The following NKAIN4 variants were observed in gnomAD, a reference collection of about 807,000 sequenced individuals.
The protein encoded by NKAIN4 is sodium/potassium-transporting ATPase subunit beta-1-interacting protein 4.
NKAIN4 carries 28 observed loss-of-function variants against 28.8 expected under a neutral mutation model. That is an observed-to-expected ratio of 0.97 (90% CI 0.72 to 1.33). NKAIN4 has a LOEUF of 1.33. Among genes scored for constraint, NKAIN4 ranks in the 40% most tolerant of loss-of-function variants. NKAIN4 has a pLI of 0.00. For missense variants in NKAIN4, 289 were observed against 277.2 expected, an observed-to-expected ratio of 1.04 and a Z score of -0.30; for synonymous variants, 122 against 115.6, an observed-to-expected ratio of 1.06 and a Z score of -0.36.
chr20:63,249,637 G>A (rs1186694261), intron 2 of NKAIN4, among the ~76,000 whole-genome samples: 1 of 152,194 alleles, frequency 6.6e-6, no homozygotes, highest in Admixed American at 6.5e-5. Flanking sequence ...GTAAAGCAGG[G>A]ATCGTGGCAG....
At chr20:63,241,739 T>C in intron 6 of NKAIN4, 1 of 681,694 alleles carries the variant, frequency 1.5e-6, no homozygotes, top group Non-Finnish European at 2.8e-6. Flanking sequence ...CTCAGTGGGG[T>C]CTGGCCTGTG....
chr20:63,254,904 G>T (rs536430257), upstream of NKAIN4: 319 of 155,402 alleles, frequency 2.1e-3, 3 homozygotes, highest in Non-Finnish European at 2.5e-3. Flanking sequence ...ACCCGCATCC[G>T]CGAGGCGTTT....
chr20:63,248,142 G>C, intron 3 of NKAIN4: 1 of 195,842 alleles, frequency 5.1e-6, no homozygotes, highest in Non-Finnish European at 1.0e-5. Context: ...CCCAGGTGTG[G>C]TTCCAGGAAG....
At chr20:63,243,614 G>T (rs2066801425) in intron 5 of NKAIN4, among the ~76,000 whole-genome samples, 1 of 152,226 alleles carries the variant, frequency 6.6e-6, no homozygotes, top group African/African-American at 2.4e-5. Flanking sequence ...ATGAAACCCT[G>T]CCCAGATGGG....
At chr20:63,247,336 G>A in intron 4 of NKAIN4, 1 of 1,469,026 alleles carries the variant, frequency 6.8e-7, no homozygotes, top group South Asian at 1.3e-5. Flanking sequence ...CGCTCAACTT[G>A]AGAAAGCGCC....
intron 4 of NKAIN4, among the ~76,000 whole-genome samples, chr20:63,244,878 T>G (rs2066827707): frequency 6.6e-6 from 1 of 152,226 alleles, no homozygotes; most frequent in African/African-American, 2.4e-5. Context: ...GGTCTGTGAC[T>G]GGAGGGACCC....
Position 63,252,229 on chromosome 20 carries a change from C to A in NKAIN4, c.55-2157G>T, listed in dbSNP as rs1047737691. Among the ~76,000 whole-genome samples, 20 of 152,238 alleles carry A rather than the reference C, an allele frequency of 1.3e-4. 1 individual carries two copies. Among genetic ancestry groups the A allele is most frequent in the African/African-American group, 4.1e-4 (17 of 41,550 alleles). ...GCATGAGCAGGGAGGCTCATGCCAC[C>A]ATGGAAGCAGGTGACCCTGGTGGCC... is the stretch of plus-strand genomic sequence containing the variant. On this transcript the variant is annotated intron_variant, in intron 1 of 6. Coordinates refer to ENST00000370316, the MANE Select transcript of NKAIN4 (RefSeq NM_152864.4). This position sits in a 1 kb window ranked among gnomAD's most constrained non-coding sequence, Gnocchi z 4.6.
At chr20:63,246,819 C>G in intron 4 of NKAIN4, 3 of 985,470 alleles carry the variant, frequency 3.0e-6, no homozygotes, top group Non-Finnish European at 3.6e-6. Context: ...TTTCTGAGCA[C>G]TTCGAGGAAG....
At chr20:63,241,804 G>C (rs566092804) in intron 6 of NKAIN4, 4 of 589,530 alleles carry the variant, frequency 6.8e-6, no homozygotes, top group Non-Finnish European at 1.3e-5. Context: ...CCCTGGCTCA[G>C]GGTCTGCGTG....
chr20:63,241,820 C>G (rs1036950085), intron 6 of NKAIN4: 2 of 527,170 alleles, frequency 3.8e-6, no homozygotes, highest in African/African-American at 1.9e-5. Context: ...GCGTGTGACC[C>G]CACCCCTTCC....
In NKAIN4 at chr20:63,248,859, C is replaced by T. The variant is rs150737368; in HGVS notation, c.229G>A (p.Val77Ile). ...LWAAVWVTWN[V>I]FIICFYLEVG... ...TCCAGGTAGAAGCAGATGATGAAGA[C>T]GTTCCAGGTGACCCAGACGGCTGCC... The change falls in exon 3 of 7, where the codon GTC (valine) becomes ATC (isoleucine). Residue 77 changes from valine (V) to isoleucine (I), a missense_variant. Val to Ile is a conservative substitution (Grantham distance 29, BLOSUM62 3). Transcript: ENST00000370316. The T allele has an allele frequency of 2.5e-5, 40 of 1,612,790 alleles. No individual in the cohort carries two copies. The highest frequency in any genetic ancestry group is 3.1e-5 in the Non-Finnish European group (36 of 1,179,890).
rs2066812503 is a variant in NKAIN4, at chr20:63,244,094, A to G, written c.472-10T>C. ...AGACAAAGCCCAGAAGCTGAAAGAC[A>G]CCACAGGCAGGGGCGTGAGTGCGGC... On this transcript the variant is annotated splice_polypyrimidine_tract_variant and intron_variant, in intron 4 of 6. Transcript: ENST00000370316. The G allele has an allele frequency of 1.2e-6, 2 of 1,612,454 alleles. No individual in the cohort carries two copies. Among genetic ancestry groups the G allele is most frequent in the Admixed American group, 1.7e-5 (1 of 59,824 alleles).
At chr20:63,244,444 G>A in intron 4 of NKAIN4, 1 of 491,314 alleles carries the variant, frequency 2.0e-6, no homozygotes, top group South Asian at 1.5e-5. Context: ...CACAGTCCCA[G>A]CCCTGCGTCC....
rs934233324 is a variant in NKAIN4 at position 63,245,347 on chromosome 20, G to A, written c.472-1263C>T. 2.0e-5 allele frequency among the ~76,000 whole-genome samples: 3 copies of A among 152,262 alleles called. No individual in the cohort carries two copies. The highest frequency in any genetic ancestry group is 2.1e-4 in the South Asian group (1 of 4,828). ...GCTCGTCCCCCTCCTCACCCCAAAG[G>A]AGCCCAAGACGCCCCCATCCCGGAG... is the stretch of plus-strand genomic sequence containing the variant. On this transcript the variant is annotated intron_variant, in intron 4 of 6. Coordinates refer to ENST00000370316, the MANE Select transcript of NKAIN4 (RefSeq NM_152864.4). This position sits in a 1 kb window ranked among gnomAD's most constrained non-coding sequence, Gnocchi z 4.7.
chr20:63,253,507 G>C (rs758755572), intron 1 of NKAIN4: 22 of 985,564 alleles, frequency 2.2e-5, no homozygotes, highest in African/African-American at 7.0e-5. Flanking sequence ...AGAGGAGGAG[G>C]GGGGCGCGCG....
chr20:63,250,520 C>T (rs1267941312), intron 1 of NKAIN4, among the ~76,000 whole-genome samples: 3 of 152,166 alleles, frequency 2.0e-5, no homozygotes, highest in Non-Finnish European at 2.9e-5. Context: ...GAGGGACGGA[C>T]GCGGGTTCAC....
intron 1 of NKAIN4, chr20:63,254,062 C>T (rs1430082559): frequency 6.3e-6 from 2 of 316,856 alleles, no homozygotes; most frequent in Non-Finnish European, 1.2e-5. Flanking sequence ...GCCACACACG[C>T]CTCCCCAGGC....
chr20:63,248,730 T>A (rs913263334), intron 3 of NKAIN4, 85 bp downstream of exon 3: 1 of 866,188 alleles, frequency 1.2e-6, no homozygotes, highest in Non-Finnish European at 1.9e-6. Context: ...AGACGACAGA[T>A]GAAAAGCAAA....
At chr20:63,247,192 C>G (rs981257772) in intron 4 of NKAIN4, 5 of 1,149,148 alleles carry the variant, frequency 4.4e-6, no homozygotes, top group South Asian at 4.0e-5. Flanking sequence ...TCGGGGCAGC[C>G]GAGGGAACAG....
Sources: allele counts gnomAD v4.1 joint callset (sites outside exome capture counted in the v4.1 genomes callset), GRCh38; gene constraint gnomAD v4.1.1; non-coding constraint Gnocchi (gnomAD v3.1); transcripts MANE v1.5; gene names NCBI Gene and HGNC (gene_info 2026-07-23, HGNC 2026-07-21).